The following ITGB4 variants were observed in gnomAD, a reference collection of about 807,000 sequenced individuals.
The protein encoded by ITGB4 is integrin beta-4.
A neutral mutation model predicts 207.6 loss-of-function variants in ITGB4; 159 were observed. The observed-to-expected ratio is 0.77, with a 90% CI of 0.67 to 0.87. The LOEUF (loss-of-function observed/expected upper bound fraction) is 0.87, where lower values mean the gene tolerates loss of function less well. Among genes scored for constraint, ITGB4 ranks in the 40% least tolerant of loss-of-function variants. The pLI, the probability that ITGB4 is intolerant of heterozygous loss-of-function variation, is 0.00. For synonymous variants in ITGB4, 1,020 were observed against 1,062.7 expected, an observed-to-expected ratio of 0.96 and a Z score of 0.78; for missense variants, 2,278 against 2,546.8, an observed-to-expected ratio of 0.89 and a Z score of 2.27.
Position 75,730,885 on chromosome 17 carries a change from C to G in ITGB4, c.1013C>G (p.Thr338Ser), listed in dbSNP as rs2060841343. Residue 338 changes from threonine to serine, a missense_variant, in exon 9 of 40, where the codon ACC (threonine) becomes AGC (serine). Coordinates refer to ENST00000200181, the MANE Select transcript of ITGB4 (RefSeq NM_000213.5). Reference protein sequence around the residue: ...YSYSYYEKLHTYFPVSSLGVL... With the variant: ...YSYSYYEKLHSYFPVSSLGVL... ...CCTTCTCTCCCGCAGAAGCTTCACA[C>G]CTATTTCCCTGTCTCCTCACTGGGG... 6.2e-7 allele frequency: 1 copy of G among 1,613,304 alleles called. No individual in the cohort carries two copies. Among genetic ancestry groups the G allele is most frequent in the South Asian group, 1.1e-5 (1 of 91,078 alleles).
intron 26 of ITGB4, among the ~76,000 whole-genome samples, 166 bp from the exon 27 acceptor site, chr17:75,748,675 A>G (rs925854346): frequency 6.6e-6 from 1 of 151,852 alleles, no homozygotes; most frequent in Non-Finnish European, 1.5e-5. Context: ...GCCTCAAAAA[A>G]AAAAACAAAC....
intron 34 of ITGB4, 162 bp downstream of exon 34, chr17:75,754,977 C>T: frequency 2.6e-6 from 4 of 1,530,502 alleles, no homozygotes; most frequent in Non-Finnish European, 3.6e-6. Flanking sequence ...CACACATGTA[C>T]ACAGACATGC....
chr17:75,724,802 C>T lies in ITGB4; in HGVS notation c.79+20C>T. The T allele has an allele frequency of 6.2e-7, 1 of 1,604,272 alleles. No homozygotes were observed. The highest frequency in any genetic ancestry group is 8.5e-7 in the Non-Finnish European group (1 of 1,171,878). On this transcript the variant is annotated intron_variant, in intron 2 of 39. Coordinates refer to ENST00000200181, the MANE Select transcript of ITGB4 (RefSeq NM_000213.5). ...CCTTGGGTGAGTCCACGTTGCCCTGCAGCCCCCTCCTGGCAGGATCATCCC... is the reference window on the plus strand; with the variant it reads ...CCTTGGGTGAGTCCACGTTGCCCTGTAGCCCCCTCCTGGCAGGATCATCCC...
At chr17:75,724,016 C>T (rs1156544621) in intron 1 of ITGB4, among the ~76,000 whole-genome samples, 1 of 152,236 alleles carries the variant, frequency 6.6e-6, no homozygotes. Flanking sequence ...GTGCATGTCT[C>T]ACTCTGGGCT....
rs747790117 is a variant in ITGB4 at position 75,730,468 on chromosome 17, C to G, written c.966C>G (p.Ile322Met). The G allele has an allele frequency of 6.2e-7, 1 of 1,614,042 alleles. No individual in the cohort carries two copies. Among genetic ancestry groups the G allele is most frequent in the South Asian group, 1.1e-5 (1 of 91,080 alleles). The change falls in exon 8 of 40, where the codon ATC becomes ATG. Residue 322 changes from isoleucine (I) to methionine (M), a missense_variant. Transcript: ENST00000200181. The stretch of plus-strand genomic sequence containing the variant: ...TCGCCAAGCACAACATCATCCCCAT[C>G]TTTGCTGTCACCAACTACTCCTATA... Reference protein sequence around the residue: ...RLLAKHNIIPIFAVTNYSYSY... With the variant: ...RLLAKHNIIPMFAVTNYSYSY...
chr17:75,745,383 A>G (rs2061210623), intron 26 of ITGB4, among the ~76,000 whole-genome samples: 1 of 151,998 alleles, frequency 6.6e-6, no homozygotes. Context: ...ACAGAGTAAG[A>G]CCCTGTCTAA....
At chr17:75,745,578 AAATAAT>A (rs1304922240) in intron 26 of ITGB4, among the ~76,000 whole-genome samples, 2 of 151,818 alleles carry the variant, frequency 1.3e-5, no homozygotes, top group Non-Finnish European at 2.9e-5. Flanking sequence ...TATTTTAAAA[AAATAAT>A]AATAATAATA....
chr17:75,754,021 A>G, intron 33 of ITGB4, 47 bp downstream of exon 33: 1 of 901,466 alleles, frequency 1.1e-6, no homozygotes, highest in Non-Finnish European at 1.5e-6. Context: ...ACCCAGCCTC[A>G]CTCGCGCCTG....
chr17:75,742,444 G>C lies in ITGB4; in HGVS notation c.2737G>C (p.Asp913His). The C allele has an allele frequency of 6.2e-7, 1 of 1,613,152 alleles. No homozygotes were observed. The highest frequency in any genetic ancestry group is 8.5e-7 in the Non-Finnish European group (1 of 1,179,846). The change falls in exon 24 of 40, where the codon GAC (aspartate) becomes CAC (histidine). Residue 913 changes from aspartate (D) to histidine (H), a missense_variant. Physicochemically the swap from Asp to His is moderately conservative, Grantham distance 81 (BLOSUM62 -1). Transcript: ENST00000200181. This position sits in a 1 kb window ranked among gnomAD's most constrained non-coding sequence, Gnocchi z 5.9. ...EKQVEQRAFH[D>H]LKVAPGYYTL... The stretch of plus-strand genomic sequence containing the variant: ...GCAGGTGGAACAGAGGGCCTTCCAC[G>C]ACCTCAAGGTGGCCCCCGGCTACTA...
chr17:75,753,623 T>C (rs1473350284), intron 32 of ITGB4, 142 bp from the exon 33 acceptor site: 6 of 494,610 alleles, frequency 1.2e-5, no homozygotes, highest in Non-Finnish European at 1.9e-5. Context: ...CGTGCGCATC[T>C]ACCCCCGCCC....
intron 6 of ITGB4, among the ~76,000 whole-genome samples, chr17:75,728,986 CAAAAAAAAAA>C (rs933959785): frequency 4.4e-5 from 2 of 45,214 alleles, no homozygotes; most frequent in Non-Finnish European, 9.1e-5. Context: ...TCTGTCTCAA[CAAAAAAAAAA>C]AAAAAAAAAA....
Position 75,739,706 on chromosome 17 carries a change from G to A in ITGB4, c.2254+1G>A, listed in dbSNP as rs201310681. The A allele has an allele frequency of 1.2e-6, 2 of 1,614,132 alleles. No individual in the cohort carries two copies. The highest frequency in any genetic ancestry group is 1.7e-6 in the Non-Finnish European group (2 of 1,180,028). Reference sequence around the variant, plus strand: ...GCACTTCTCCCGTGCTGCAACCGAGGTATGGGCCTGGCATCGCAGGGGCAG... The same window carrying A: ...GCACTTCTCCCGTGCTGCAACCGAGATATGGGCCTGGCATCGCAGGGGCAG... On this transcript the variant is annotated splice_donor_variant, in intron 19 of 39. Coordinates refer to ENST00000200181, the MANE Select transcript of ITGB4 (RefSeq NM_000213.5). LOFTEE classifies it high-confidence loss of function. The surrounding 1 kb of genome is among the most constrained non-coding windows in gnomAD (Gnocchi z 5.4).
At position 75,729,790 on chromosome 17, in the gene ITGB4, T is replaced by C. The variant is rs531465033; in HGVS notation, c.738+354T>C. Among the ~76,000 whole-genome samples, 36 of 152,332 alleles carry C rather than the reference T, an allele frequency of 2.4e-4. No homozygotes were observed. Among genetic ancestry groups the C allele is most frequent in the African/African-American group, 8.7e-4 (36 of 41,574 alleles). ...TGGGCATCCAAATAAGCCATTTCCT[T>C]TGATATGTACATCCATTTGTTCATT... On this transcript the variant is annotated intron_variant, in intron 7 of 39. Transcript: ENST00000200181. This position sits in a 1 kb window ranked among gnomAD's most constrained non-coding sequence, Gnocchi z 4.4.
chr17:75,732,303 C>A lies in ITGB4; in HGVS notation c.1454+64C>A. 6.6e-7 allele frequency: 1 copy of A among 1,504,502 alleles called. No homozygotes were observed. The highest frequency in any genetic ancestry group is 9.2e-7 in the Non-Finnish European group (1 of 1,082,056). 93.2% of individuals were successfully genotyped at this position (1,504,502 alleles called of 1,614,324 possible). ...GGCCCCTGATGGGAAAGCTGGGCTC[C>A]TGCAGGGGCCTGGCCCTGGGTGCAC... On this transcript the variant is annotated intron_variant, in intron 12 of 39. Transcript: ENST00000200181. The surrounding 1 kb of genome is among the most constrained non-coding windows in gnomAD (Gnocchi z 5.3).
chr17:75,729,525 C>A lies in ITGB4; in HGVS notation c.738+89C>A, dbSNP rs774681717. 271 of 1,405,254 alleles carry A rather than the reference C, an allele frequency of 1.9e-4. No individual in the cohort carries two copies. The highest frequency in any genetic ancestry group is 2.5e-4 in the Non-Finnish European group (256 of 1,039,194). 87.0% of individuals were successfully genotyped at this position (1,405,254 alleles called of 1,614,324 possible). A position where few individuals can be genotyped will look rare whatever the true frequency, so the allele number is the denominator to read the frequency against. ...AGCTGCCCCCTGGCCTGCTCTGGTG[C>A]CAGGCTCACAGGCCCTGAGGGAAAG... On this transcript the variant is annotated intron_variant, in intron 7 of 39. Transcript: ENST00000200181. This position sits in a 1 kb window ranked among gnomAD's most constrained non-coding sequence, Gnocchi z 4.4.
intron 18 of ITGB4, among the ~76,000 whole-genome samples, chr17:75,738,190 G>T (rs926560282): frequency 2.0e-5 from 3 of 151,460 alleles, no homozygotes; most frequent in Non-Finnish European, 4.4e-5. Context: ...ATGCACCATC[G>T]CCCCCACCCC....
chr17:75,723,429 A>G (rs977386123), intron 1 of ITGB4, among the ~76,000 whole-genome samples: 4 of 152,196 alleles, frequency 2.6e-5, no homozygotes, highest in African/African-American at 9.6e-5. Context: ...CTGAGCCTGC[A>G]GCCTGTATTG....
Position 75,742,341 on chromosome 17 carries a change from G to A in ITGB4, c.2634G>A (p.Lys878=). The A allele has an allele frequency of 6.2e-7, 1 of 1,613,340 alleles. No homozygotes were observed. The highest frequency in any genetic ancestry group is 8.5e-7 in the Non-Finnish European group (1 of 1,180,024). ...CCTGAACCTTCCACCCTCGACCCAG[G>A]CAAGACCACACCATTGTGGACACAG... ...KFRQQPNAGK[K]QDHTIVDTVL... The change falls in exon 24 of 40, where the codon AAG becomes AAA. Residue 878 remains lysine (K), a splice_region_variant and synonymous_variant. Coordinates refer to ENST00000200181, the MANE Select transcript of ITGB4 (RefSeq NM_000213.5). This position sits in a 1 kb window ranked among gnomAD's most constrained non-coding sequence, Gnocchi z 5.9.
Position 75,736,576 on chromosome 17 carries a change from C to T in ITGB4, c.1872C>T (p.Gly624=), listed in dbSNP as rs754515746. The part of the protein sequence containing the change: ...CEINYSAIHP[G]LCEDLRSCVQ... ...CTTTCCCCGCCAAGATCCACCCGGG[C>T]CTCTGCGAGGACCTACGCTCCTGCG... Residue 624 remains glycine, a synonymous_variant, in exon 16 of 40, where the codon GGC becomes GGT. Transcript: ENST00000200181. 6.2e-7 allele frequency: 1 copy of T among 1,600,610 alleles called. No homozygotes were observed. The highest frequency in any genetic ancestry group is 8.5e-7 in the Non-Finnish European group (1 of 1,174,166).
Sources: allele counts gnomAD v4.1 joint callset (sites outside exome capture counted in the v4.1 genomes callset), GRCh38; gene constraint gnomAD v4.1.1; non-coding constraint Gnocchi (gnomAD v3.1); transcripts MANE v1.5; gene names NCBI Gene and HGNC (gene_info 2026-07-23, HGNC 2026-07-21).